The following SPATA1 variants were observed in gnomAD, a reference collection of about 807,000 sequenced individuals.
SPATA1 encodes the protein spermatogenesis-associated protein 1.
Under a neutral mutation model 59.6 loss-of-function variants are expected in SPATA1, and 57 were observed. The observed-to-expected ratio is 0.96, with a 90% CI of 0.77 to 1.19. The LOEUF is 1.19. Ranked by LOEUF, SPATA1 falls within the 50% of genes most tolerant of loss-of-function variation. The probability of loss-of-function intolerance (pLI) is 0.00; values close to 1 mark genes in which losing one functional copy is unlikely to be tolerated. For missense variants in SPATA1, 448 were observed against 480.7 expected, an observed-to-expected ratio of 0.93 and a Z score of 0.64; for synonymous variants, 147 against 163.9, an observed-to-expected ratio of 0.90 and a Z score of 0.79.
intron 2 of SPATA1, among the ~76,000 whole-genome samples, chr1:84,517,946 T>A (rs1428830787): frequency 6.6e-6 from 1 of 151,742 alleles, no homozygotes; most frequent in Admixed American, 6.6e-5. Flanking sequence ...TATCCTGATA[T>A]AATGCAATAT....
intron 4 of SPATA1, among the ~76,000 whole-genome samples, chr1:84,560,104 AGAAAGAAAGAAAGAAAGAAAGAAAGAAAG>A (rs1344217020): frequency 4.4e-5 from 3 of 67,480 alleles, no homozygotes; most frequent in African/African-American, 1.9e-4. Flanking sequence ...AAAAAAAGAA[AGAAAGAAAGAAAGAAAGAAAGAAAGAAAG>A]GAAAGAAAGA....
chr1:84,510,421 G>A (rs370660904), intron 1 of SPATA1, among the ~76,000 whole-genome samples: 4 of 152,160 alleles, frequency 2.6e-5, no homozygotes, highest in African/African-American at 9.7e-5. Context: ...CAACATCACC[G>A]ATCATCAGGA....
chr1:84,532,259 G>A (rs776040691), intron 6 of SPATA1, among the ~76,000 whole-genome samples: 6 of 152,194 alleles, frequency 3.9e-5, no homozygotes, highest in Non-Finnish European at 8.8e-5. Flanking sequence ...ACTTTGGGAG[G>A]CCAAGGTGGG....
chr1:84,525,107 G>A (rs1683163513), intron 4 of SPATA1, among the ~76,000 whole-genome samples: 1 of 152,114 alleles, frequency 6.6e-6, no homozygotes, highest in South Asian at 2.1e-4. Context: ...CTCCCGAGTA[G>A]CTGGGGGAGC....
downstream of SPATA1, among the ~76,000 whole-genome samples, chr1:84,557,533 C>CAAAAA (rs56101174): frequency 5.4e-5 from 3 of 55,414 alleles, no homozygotes; most frequent in Non-Finnish European, 7.1e-5. Context: ...AACTCCATCT[C>CAAAAA]AAAAAAAAAA....
At chr1:84,567,066 C>T (rs764089921), downstream of SPATA1, among the ~76,000 whole-genome samples, 3 of 152,118 alleles carry the variant, frequency 2.0e-5, no homozygotes, top group Non-Finnish European at 4.4e-5. Context: ...GTTGTTTTCC[C>T]CCCTTAATTA....
chr1:84,516,348 A>T lies in SPATA1; in HGVS notation c.-12A>T, dbSNP rs773080428. On this transcript the variant is annotated 5_prime_UTR_variant, in exon 2 of 13. Coordinates refer to ENST00000490879, the Ensembl canonical transcript of SPATA1. Reference sequence around the variant, plus strand: ...TCCAATTGATAATTATCCCATTCAGACATTAGTGAATATGTCACTCAATCC... The same window carrying T: ...TCCAATTGATAATTATCCCATTCAGTCATTAGTGAATATGTCACTCAATCC... The T allele has an allele frequency of 2.0e-6, 3 of 1,525,104 alleles. No homozygotes were observed. The East Asian group carries it at 7.4e-5, about 38-fold the overall frequency. The allele number at this position is 1,525,104 out of a possible 1,614,324, so 94.5% of individuals were successfully genotyped here.
chr1:84,555,853 G>T (rs1205225677), downstream of SPATA1: 1 of 152,222 alleles, frequency 6.6e-6, no homozygotes, highest in Non-Finnish European at 1.5e-5. Flanking sequence ...AAGTTAAGGG[G>T]AATCAATGCT....
In SPATA1 at chr1:84,517,037, C is replaced by T. The variant is rs1682823749; in HGVS notation, c.36+642C>T. Among the ~76,000 whole-genome samples, 3 of 152,214 alleles carry T rather than the reference C, an allele frequency of 2.0e-5. No homozygotes were observed. In the South Asian group the frequency reaches 6.2e-4, roughly 32 times the overall value. ...TAAACCAACTGCGGTCAAGATTTCACCTCCATTATTCCACCAAAACTATTC... is the reference window on the plus strand; with the variant it reads ...TAAACCAACTGCGGTCAAGATTTCATCTCCATTATTCCACCAAAACTATTC... On this transcript the variant is annotated intron_variant, in intron 2 of 12. Coordinates refer to ENST00000490879, the Ensembl canonical transcript of SPATA1.
chr1:84,542,087 C>G (rs1263613099), intron 8 of SPATA1, among the ~76,000 whole-genome samples: 1 of 152,024 alleles, frequency 6.6e-6, no homozygotes, highest in Non-Finnish European at 1.5e-5. Context: ...CTCCTGCCTC[C>G]CGAGTAGCTG....
chr1:84,563,026 T>A (rs894294770), intron 4 of SPATA1, among the ~76,000 whole-genome samples: 1 of 152,308 alleles, frequency 6.6e-6, no homozygotes, highest in East Asian at 1.9e-4. Flanking sequence ...ATCATCTAAA[T>A]GACAAGTGGC....
At chr1:84,518,191 G>A (rs1682874491) in intron 2 of SPATA1, among the ~76,000 whole-genome samples, 2 of 152,060 alleles carry the variant, frequency 1.3e-5, no homozygotes, top group East Asian at 3.9e-4. Flanking sequence ...ATAGGTTTGG[G>A]AACTCTTCAA....
intron 8 of SPATA1, among the ~76,000 whole-genome samples, chr1:84,536,529 C>T (rs11801784): frequency 0.016 from 2,366 of 152,268 alleles, 61 homozygotes; most frequent in African/African-American, 0.053. Context: ...CTGCAAGCTC[C>T]GCCCCCCGGG....
intron 1 of SPATA1, among the ~76,000 whole-genome samples, chr1:84,515,029 T>C (rs890766774): frequency 2.0e-5 from 3 of 152,168 alleles, no homozygotes; most frequent in African/African-American, 7.2e-5. Context: ...ATGTAACAAA[T>C]TAAAACTTTT....
intron 11 of SPATA1, 133 bp downstream of exon 11, chr1:84,549,097 T>C: frequency 1.2e-6 from 1 of 862,226 alleles, no homozygotes; most frequent in Non-Finnish European, 1.6e-6. Flanking sequence ...AAAAAACTCA[T>C]GACCTTATGT....
intron 1 of SPATA1, among the ~76,000 whole-genome samples, chr1:84,510,144 G>T (rs138138313): frequency 2.7e-4 from 41 of 152,244 alleles, no homozygotes; most frequent in African/African-American, 9.6e-4. Flanking sequence ...TCCAGCATGG[G>T]CAACAGAGAA....
At chr1:84,557,845 G>A (rs1445913366), downstream of SPATA1, among the ~76,000 whole-genome samples, 15 of 145,540 alleles carry the variant, frequency 1.0e-4, no homozygotes, top group African/African-American at 3.3e-4. Context: ...GCGACATAGT[G>A]AGACTCCATC....
chr1:84,563,717 A>G (rs896771767), intron 4 of SPATA1: 4 of 1,441,330 alleles, frequency 2.8e-6, no homozygotes, highest in African/African-American at 2.9e-5. Flanking sequence ...AAATTATGTA[A>G]CAAATGACTG....
chr1:84,537,690 C>A (rs1683753990), intron 8 of SPATA1, among the ~76,000 whole-genome samples: 1 of 152,138 alleles, frequency 6.6e-6, no homozygotes, highest in Non-Finnish European at 1.5e-5. Flanking sequence ...GGGAGGTACC[C>A]ATACTTTTCA....
Sources: allele counts gnomAD v4.1 joint callset (sites outside exome capture counted in the v4.1 genomes callset), GRCh38; gene constraint gnomAD v4.1.1; transcripts MANE v1.5; gene names NCBI Gene and HGNC (gene_info 2026-07-23, HGNC 2026-07-21).